VCAN: variants seen among roughly 807,000 people sequenced by gnomAD.
The protein encoded by VCAN is versican.
In VCAN, 44 loss-of-function variants were observed where a neutral mutation model predicts 245.5. The observed-to-expected ratio is 0.18, with a 90% confidence interval of 0.14 to 0.23. The LOEUF (loss-of-function observed/expected upper bound fraction) is 0.23, where lower values mean the gene tolerates loss of function less well. VCAN is among the 10% of genes least tolerant of loss of function. The pLI is 1.00. For missense variants in VCAN, 3,793 were observed against 4,057.9 expected (o/e 0.93, Z 1.77); for synonymous variants, 1,413 against 1,437.0 (o/e 0.98, Z 0.38).
chr5:83,565,603 A>G (rs1187487502), intron 12 of VCAN, among the ~76,000 whole-genome samples: 3 of 152,204 alleles, frequency 2.0e-5, no homozygotes, highest in African/African-American at 4.8e-5. Context: ...CTAGAGAACC[A>G]GTGCTCATTG....
At position 83,534,430 on chromosome 5, in the gene VCAN, G is replaced by A. The variant is rs575708104; in HGVS notation, c.4004-2577G>A. Among the ~76,000 whole-genome samples, 3 of 152,064 alleles carry A rather than the reference G, an allele frequency of 2.0e-5. No homozygotes were observed. In the East Asian group the frequency reaches 5.8e-4, roughly 29 times the overall value. ...CAAAAGGGTACAAAATATGGTAGAG[G>A]TTCTTTATATGCTTGACACTGACCC... On this transcript the variant is annotated intron_variant, in intron 7 of 14. Transcript: ENST00000265077.
chr5:83,555,107 A>C, intron 12 of VCAN, 69 bp downstream of exon 12: 2 of 1,513,788 alleles, frequency 1.3e-6, no homozygotes. Flanking sequence ...CTGATTGTGC[A>C]TTACAGAGGG....
chr5:83,505,423 A>G (rs547139534), intron 5 of VCAN, among the ~76,000 whole-genome samples: 2 of 152,304 alleles, frequency 1.3e-5, no homozygotes, highest in South Asian at 4.1e-4. Context: ...TGCAAGTCCA[A>G]AATCCAGTGG....
At chr5:83,500,830 A>G (rs528200822) in intron 5 of VCAN, among the ~76,000 whole-genome samples, 17 of 152,292 alleles carry the variant, frequency 1.1e-4, no homozygotes, top group African/African-American at 3.8e-4. Flanking sequence ...TTGGATTACA[A>G]TGATTGGGAT....
At chr5:83,564,176 CTTTTATTTTTTAT>C (rs1485773824) in intron 12 of VCAN, among the ~76,000 whole-genome samples, 1 of 152,090 alleles carries the variant, frequency 6.6e-6, no homozygotes, top group Non-Finnish European at 1.5e-5. Flanking sequence ...CCCAGACAAT[CTTTTATTTTTTAT>C]TTTTATTTTT....
At chr5:83,483,621 T>C (rs1744691007) in intron 2 of VCAN, 33 bp downstream of exon 2, 1 of 1,594,184 alleles carries the variant, frequency 6.3e-7, no homozygotes, top group Non-Finnish European at 8.6e-7. Flanking sequence ...TGGTGTTAAT[T>C]GAAATAAAAA....
intron 5 of VCAN, among the ~76,000 whole-genome samples, chr5:83,507,420 T>C (rs965495802): frequency 6.6e-6 from 1 of 152,236 alleles, no homozygotes; most frequent in Admixed American, 6.5e-5. Flanking sequence ...CTCTAAAGGT[T>C]GTACTGTGAT....
chr5:83,552,055 A>G (rs1747491672), intron 10 of VCAN, among the ~76,000 whole-genome samples: 1 of 152,190 alleles, frequency 6.6e-6, no homozygotes, highest in Non-Finnish European at 1.5e-5. Flanking sequence ...AACAGGCCTG[A>G]TAGACTAAAC....
At chr5:83,516,826 T>G (rs1383908479) in intron 6 of VCAN, among the ~76,000 whole-genome samples, 1 of 152,240 alleles carries the variant, frequency 6.6e-6, no homozygotes, top group African/African-American at 2.4e-5. Flanking sequence ...ATATTGTGCT[T>G]TATAAAATTA....
chr5:83,479,772 TG>T (rs1217860746), intron 1 of VCAN, among the ~76,000 whole-genome samples: 1 of 152,140 alleles, frequency 6.6e-6, no homozygotes, highest in East Asian at 1.9e-4. Context: ...ATTACAGAAG[TG>T]GAATGAACGT....
chr5:83,506,752 G>A (rs139335946), intron 5 of VCAN, among the ~76,000 whole-genome samples: 270 of 152,284 alleles, frequency 1.8e-3, no homozygotes, highest in South Asian at 3.7e-3. Flanking sequence ...GCATACCCGA[G>A]ACTGAGAAGA....
chr5:83,576,002 CT>C, intron 13 of VCAN, among the ~76,000 whole-genome samples: 1 of 152,192 alleles, frequency 6.6e-6, no homozygotes, highest in South Asian at 2.1e-4. Context: ...AAAAGATACC[CT>C]TTTCTCTTTT....
At chr5:83,504,413 C>T (rs1745422928) in intron 5 of VCAN, among the ~76,000 whole-genome samples, 3 of 140,694 alleles carry the variant, frequency 2.1e-5, no homozygotes, top group South Asian at 4.5e-4. Context: ...GAGACGGAGT[C>T]TCTCTGTTGC....
At chr5:83,548,883 A>T (rs1027504097) in intron 10 of VCAN, among the ~76,000 whole-genome samples, 5 of 152,206 alleles carry the variant, frequency 3.3e-5, no homozygotes, top group Non-Finnish European at 7.3e-5. Flanking sequence ...CTGGTCCCAC[A>T]TTCTGCTTCA....
At chr5:83,529,041 CAT>C (rs879872140) in intron 7 of VCAN, among the ~76,000 whole-genome samples, 4 of 134,172 alleles carry the variant, frequency 3.0e-5, no homozygotes, top group Non-Finnish European at 5.0e-5. Flanking sequence ...TGTATACACA[CAT>C]ATATACAGGT....
At chr5:83,503,183 T>C (rs1745382103) in intron 5 of VCAN, among the ~76,000 whole-genome samples, 1 of 152,104 alleles carries the variant, frequency 6.6e-6, no homozygotes, top group Non-Finnish European at 1.5e-5. Context: ...TTTGATCTTA[T>C]GTATATCCAT....
chr5:83,542,290 A>C, intron 8 of VCAN, 22 bp downstream of exon 8: 1 of 1,606,814 alleles, frequency 6.2e-7, no homozygotes, highest in Non-Finnish European at 8.5e-7. Flanking sequence ...ACATTGATAA[A>C]TCTGTTTCCA....
chr5:83,545,865 G>A (rs573604484), intron 9 of VCAN, among the ~76,000 whole-genome samples: 42 of 152,216 alleles, frequency 2.8e-4, no homozygotes, highest in South Asian at 1.2e-3. Flanking sequence ...GACTCAGTGA[G>A]GCCTGCTGAG....
At chr5:83,536,920 G>T (rs1221248697) in intron 7 of VCAN, 87 bp from the exon 8 acceptor site, 6 of 1,106,190 alleles carry the variant, frequency 5.4e-6, no homozygotes, top group Admixed American at 2.6e-5. Context: ...TTGTGTGTGT[G>T]GGTGTGACCA....
Sources: gnomAD v4.1 joint callset for allele counts (sites outside exome capture counted in the v4.1 genomes callset) on GRCh38, gnomAD v4.1.1 for gene constraint, MANE v1.5 for transcripts, NCBI Gene and HGNC (gene_info 2026-07-23, HGNC 2026-07-21) for gene names.